Variants in GMDS observed in about 807,000 individuals in gnomAD.
GMDS encodes the protein GDP-mannose 4,6 dehydratase.
In GMDS, 20 loss-of-function variants were observed where a neutral mutation model predicts 49.9. That is an observed-to-expected ratio of 0.40 (90% confidence interval 0.28 to 0.58). GMDS has a LOEUF of 0.58. Ranked by LOEUF, GMDS falls within the 20% of genes least tolerant of loss-of-function variation. The pLI is 0.42. For missense variants in GMDS, 362 were observed against 481.4 expected, an observed-to-expected ratio of 0.75 and a Z score of 2.32; for synonymous variants, 177 against 178.6, an observed-to-expected ratio of 0.99 and a Z score of 0.07.
chr6:1,669,950 G>A (rs913510375), intron 9 of GMDS, among the ~76,000 whole-genome samples: 7 of 126,284 alleles, frequency 5.5e-5, no homozygotes, highest in African/African-American at 1.2e-4. Flanking sequence ...AGCTGTCACC[G>A]CCGGTCCCAT....
At chr6:2,076,292 C>G (rs1772332562) in intron 4 of GMDS, among the ~76,000 whole-genome samples, 1 of 152,154 alleles carries the variant, frequency 6.6e-6, no homozygotes, top group South Asian at 2.1e-4. Context: ...TTTCCATGCT[C>G]ATGGGTAGGA....
intron 7 of GMDS, among the ~76,000 whole-genome samples, chr6:1,873,592 G>T (rs1192983234): frequency 2.0e-5 from 3 of 152,150 alleles, no homozygotes; most frequent in Admixed American, 2.0e-4. Flanking sequence ...CAGCACTGAA[G>T]AAACTAGCAC....
chr6:2,066,857 A>C (rs555069175), intron 4 of GMDS, among the ~76,000 whole-genome samples: 1,754 of 152,002 alleles, frequency 0.012, 29 homozygotes, highest in African/African-American at 0.038. Flanking sequence ...CAGATCAACG[A>C]GACAGAAAGT....
At chr6:1,710,262 T>C (rs1417896674) in intron 9 of GMDS, among the ~76,000 whole-genome samples, 2 of 152,240 alleles carry the variant, frequency 1.3e-5, no homozygotes, top group Non-Finnish European at 2.9e-5. Context: ...AAAACATTTG[T>C]GTATGTGTAT....
chr6:1,723,059 A>G (rs1766439362), intron 9 of GMDS, among the ~76,000 whole-genome samples: 1 of 152,184 alleles, frequency 6.6e-6, no homozygotes, highest in African/African-American at 2.4e-5. Context: ...TCACACTGGT[A>G]CAGAAGCGAT....
chr6:1,642,438 G>A (rs1763359053), intron 9 of GMDS, among the ~76,000 whole-genome samples: 1 of 152,062 alleles, frequency 6.6e-6, no homozygotes, highest in Admixed American at 6.5e-5. Flanking sequence ...CAAAATGCTG[G>A]GATTACAGGC....
At chr6:1,651,040 T>G (rs1022585557) in intron 9 of GMDS, among the ~76,000 whole-genome samples, 1 of 152,194 alleles carries the variant, frequency 6.6e-6, no homozygotes, top group African/African-American at 2.4e-5. Context: ...ACAGTGAAGA[T>G]TGGTGAGTGG....
At chr6:2,139,530 C>A (rs752196690) in intron 1 of GMDS, among the ~76,000 whole-genome samples, 3 of 152,118 alleles carry the variant, frequency 2.0e-5, no homozygotes, top group African/African-American at 7.2e-5. Context: ...CCTGATCATA[C>A]GATGAGAGGC....
chr6:1,859,523 T>C (rs1758089190), intron 7 of GMDS, among the ~76,000 whole-genome samples: 1 of 152,240 alleles, frequency 6.6e-6, no homozygotes, highest in African/African-American at 2.4e-5. Context: ...TGCCTCATGA[T>C]GATGCTGCAC....
chr6:1,806,284 T>C (rs1770172153), intron 7 of GMDS, among the ~76,000 whole-genome samples: 1 of 152,200 alleles, frequency 6.6e-6, no homozygotes, highest in African/African-American at 2.4e-5. Flanking sequence ...TGAATACTAC[T>C]AAAGGTTCTT....
intron 6 of GMDS, among the ~76,000 whole-genome samples, chr6:1,952,314 C>T (rs1358630353): frequency 6.6e-6 from 1 of 152,132 alleles, no homozygotes; most frequent in Non-Finnish European, 1.5e-5. Flanking sequence ...TAGAAGTACA[C>T]ATGAATTTCA....
At chr6:1,752,136 G>A (rs1394253395) in intron 7 of GMDS, among the ~76,000 whole-genome samples, 1 of 152,164 alleles carries the variant, frequency 6.6e-6, no homozygotes, top group African/African-American at 2.4e-5. Flanking sequence ...TAAGAACCTT[G>A]AGAAAATGTT....
chr6:2,153,240 C>T (rs943077370), intron 1 of GMDS, among the ~76,000 whole-genome samples: 5 of 151,946 alleles, frequency 3.3e-5, no homozygotes, highest in Admixed American at 1.3e-4. Flanking sequence ...TGATAAAATA[C>T]TAGAAAAAGG....
At chr6:1,994,642 T>G (rs1766164357) in intron 4 of GMDS, among the ~76,000 whole-genome samples, 1 of 151,792 alleles carries the variant, frequency 6.6e-6, no homozygotes, top group Non-Finnish European at 1.5e-5. Flanking sequence ...CAATCAGAAG[T>G]ATGGGCATAT....
rs1169282093 is a variant in GMDS at position 1,833,259 on chromosome 6, C to G, written c.772-90673G>C. 6.6e-6 allele frequency among the ~76,000 whole-genome samples: 1 copy of G among 150,660 alleles called. No homozygotes were observed. Among genetic ancestry groups the G allele is most frequent in the Non-Finnish European group, 1.5e-5 (1 of 67,870 alleles). ...CCGCTGGGCTTCAATGCCAAAACTA[C>G]ACGTGTCAGTGACTTCCAGAGAAGG... On this transcript the variant is annotated intron_variant, in intron 7 of 10. Coordinates refer to ENST00000380815, the MANE Select transcript of GMDS (RefSeq NM_001500.4). The surrounding 1 kb of genome is among the most constrained non-coding windows in gnomAD (Gnocchi z 4.4).
chr6:1,699,865 C>T (rs1003958366), intron 9 of GMDS, among the ~76,000 whole-genome samples: 7 of 152,276 alleles, frequency 4.6e-5, no homozygotes, highest in Non-Finnish European at 1.0e-4. Flanking sequence ...GGCAGCACGC[C>T]GTCTGCTGTG....
intron 4 of GMDS, among the ~76,000 whole-genome samples, chr6:2,011,577 A>C (rs1214865775): frequency 6.6e-6 from 1 of 152,168 alleles, no homozygotes; most frequent in Non-Finnish European, 1.5e-5. Flanking sequence ...CTGGATTAAA[A>C]ATGTGGCATA....
In GMDS at chr6:1,743,994, C is replaced by T. The variant is rs898075187; in HGVS notation, c.772-1408G>A. On this transcript the variant is annotated intron_variant, in intron 7 of 10. Coordinates refer to ENST00000380815, the MANE Select transcript of GMDS (RefSeq NM_001500.4). Reference sequence around the variant, plus strand: ...AATTTAAACAAAACTGTTTGGTTTGCGTCTCCCTAAGTTGTTCCTTGATAA... The same window carrying T: ...AATTTAAACAAAACTGTTTGGTTTGTGTCTCCCTAAGTTGTTCCTTGATAA... Among the ~76,000 whole-genome samples, 6 of 152,162 alleles carry T rather than the reference C, an allele frequency of 3.9e-5. 1 individual carries two copies. The highest frequency in any genetic ancestry group is 4.1e-4 in the South Asian group (2 of 4,830).
At chr6:1,689,660 T>G (rs1765103828) in intron 9 of GMDS, among the ~76,000 whole-genome samples, 1 of 152,236 alleles carries the variant, frequency 6.6e-6, no homozygotes, top group Non-Finnish European at 1.5e-5. Flanking sequence ...TTTTCTGTCC[T>G]GCAACTATTT....
Sources: gnomAD v4.1 joint callset for allele counts (sites outside exome capture counted in the v4.1 genomes callset) on GRCh38, gnomAD v4.1.1 for gene constraint, Gnocchi (gnomAD v3.1) non-coding constraint, MANE v1.5 for transcripts, NCBI Gene and HGNC (gene_info 2026-07-23, HGNC 2026-07-21) for gene names.